The following ADAMTSL3 variants were observed in gnomAD, a reference collection of about 807,000 sequenced individuals.
ADAMTSL3 encodes the protein ADAMTS-like protein 3.
A neutral mutation model predicts 201.7 loss-of-function variants in ADAMTSL3; 128 were observed. The ratio of observed to expected loss-of-function variants is 0.63; its 90% confidence interval spans 0.55 to 0.73. ADAMTSL3 has a LOEUF of 0.73. Ranked by LOEUF, ADAMTSL3 falls within the 30% of genes least tolerant of loss-of-function variation. ADAMTSL3 has a pLI of 0.00. For synonymous variants in ADAMTSL3, 738 were observed against 748.4 expected, an observed-to-expected ratio of 0.99 and a Z score of 0.23; for missense variants, 1,990 against 2,119.6, an observed-to-expected ratio of 0.94 and a Z score of 1.20.
At chr15:83,934,396 A>G (rs2142014308) in intron 17 of ADAMTSL3, among the ~76,000 whole-genome samples, 1 of 152,340 alleles carries the variant, frequency 6.6e-6, no homozygotes, top group Non-Finnish European at 1.5e-5. Context: ...TATTTACACA[A>G]TGCCTGTACC....
At chr15:83,737,912 T>G (rs986887107) in intron 3 of ADAMTSL3, among the ~76,000 whole-genome samples, 1 of 152,224 alleles carries the variant, frequency 6.6e-6, no homozygotes, top group Non-Finnish European at 1.5e-5. Context: ...ATACTTTGTA[T>G]TAGAAGACAG....
At chr15:83,873,099 G>C (rs1188239922) in intron 9 of ADAMTSL3, among the ~76,000 whole-genome samples, 2 of 145,036 alleles carry the variant, frequency 1.4e-5, no homozygotes, top group Non-Finnish European at 3.0e-5. Context: ...GAGGTCAGGA[G>C]TTCTAGACCA....
At chr15:83,805,432 C>G (rs1015476211) in intron 5 of ADAMTSL3, among the ~76,000 whole-genome samples, 2 of 152,096 alleles carry the variant, frequency 1.3e-5, no homozygotes, top group Admixed American at 6.5e-5. Flanking sequence ...TGATGTGTGC[C>G]TGTAGTCCCA....
At chr15:83,960,711 A>G (rs2066951240) in intron 19 of ADAMTSL3, among the ~76,000 whole-genome samples, 1 of 152,190 alleles carries the variant, frequency 6.6e-6, no homozygotes, top group Non-Finnish European at 1.5e-5. Context: ...CTCATCAACT[A>G]TTCAAATTCG....
At chr15:83,935,803 A>G (rs1199367324) in intron 17 of ADAMTSL3, among the ~76,000 whole-genome samples, 3 of 152,140 alleles carry the variant, frequency 2.0e-5, no homozygotes, top group Non-Finnish European at 4.4e-5. Context: ...TTGTAATAGT[A>G]TCTCCTTATG....
intron 27 of ADAMTSL3, among the ~76,000 whole-genome samples, chr15:84,026,475 A>G (rs936844779): frequency 7.2e-5 from 11 of 152,222 alleles, no homozygotes; most frequent in African/African-American, 2.7e-4. Context: ...TGGATATAGA[A>G]GAGACACAGA....
intron 17 of ADAMTSL3, among the ~76,000 whole-genome samples, chr15:83,933,546 A>G (rs1462282713): frequency 6.6e-6 from 1 of 152,234 alleles, no homozygotes; most frequent in African/African-American, 2.4e-5. Context: ...TGCAATAGAA[A>G]AGAAAAACCC....
At chr15:83,902,373 C>T (rs1473660983) in intron 15 of ADAMTSL3, among the ~76,000 whole-genome samples, 1 of 152,136 alleles carries the variant, frequency 6.6e-6, no homozygotes, top group African/African-American at 2.4e-5. Context: ...CGGGTTCAAG[C>T]GATTCTCCTG....
intron 5 of ADAMTSL3, among the ~76,000 whole-genome samples, chr15:83,814,207 G>C (rs1365505182): frequency 2.0e-5 from 3 of 152,062 alleles, no homozygotes; most frequent in African/African-American, 7.2e-5. Flanking sequence ...TTCTCTTGAA[G>C]GTGTTCTTTT....
chr15:83,776,686 C>T (rs1567137525), intron 4 of ADAMTSL3, among the ~76,000 whole-genome samples: 1 of 151,952 alleles, frequency 6.6e-6, no homozygotes, highest in Non-Finnish European at 1.5e-5. Flanking sequence ...CATTGCACTC[C>T]AGCCTGGGCA....
At chr15:83,858,258 A>G (rs535177089) in intron 7 of ADAMTSL3, among the ~76,000 whole-genome samples, 1 of 152,340 alleles carries the variant, frequency 6.6e-6, no homozygotes, top group East Asian at 1.9e-4. Flanking sequence ...AGTAAAGGTA[A>G]TTGAGGTAGG....
intron 16 of ADAMTSL3, among the ~76,000 whole-genome samples, chr15:83,919,556 AATG>A (rs1456795333): frequency 2.0e-5 from 3 of 152,178 alleles, no homozygotes; most frequent in Non-Finnish European, 2.9e-5. Context: ...TTGAGGAAAG[AATG>A]ATAAGTGACA....
At chr15:83,770,621 T>C (rs1336784286) in intron 3 of ADAMTSL3, among the ~76,000 whole-genome samples, 1 of 152,240 alleles carries the variant, frequency 6.6e-6, no homozygotes, top group Non-Finnish European at 1.5e-5. Flanking sequence ...AAGATAGTCT[T>C]TCCTATACAA....
At chr15:83,996,139 A>G (rs1255648189) in intron 23 of ADAMTSL3, among the ~76,000 whole-genome samples, 5 of 152,242 alleles carry the variant, frequency 3.3e-5, no homozygotes, top group Non-Finnish European at 1.5e-5. Flanking sequence ...ATCATAAAAT[A>G]TAAGAGATGT....
chr15:83,731,060 C>T (rs931011207), intron 3 of ADAMTSL3, among the ~76,000 whole-genome samples: 1 of 151,964 alleles, frequency 6.6e-6, no homozygotes, highest in Non-Finnish European at 1.5e-5. Context: ...TTCTTGGCCC[C>T]TTGTTGAAAA....
intron 3 of ADAMTSL3, among the ~76,000 whole-genome samples, chr15:83,724,699 A>G (rs1339361826): frequency 6.6e-6 from 1 of 151,780 alleles, no homozygotes; most frequent in Non-Finnish European, 1.5e-5. Flanking sequence ...CCCCACCGCC[A>G]CTATCCTTCC....
intron 3 of ADAMTSL3, among the ~76,000 whole-genome samples, chr15:83,769,258 T>C (rs1030021851): frequency 6.6e-5 from 10 of 152,204 alleles, no homozygotes; most frequent in Non-Finnish European, 7.3e-5. Flanking sequence ...TTTTCAACTT[T>C]TCACATTCAA....
chr15:84,003,814 A>G (rs888556898), intron 23 of ADAMTSL3, among the ~76,000 whole-genome samples: 2 of 152,160 alleles, frequency 1.3e-5, no homozygotes, highest in Non-Finnish European at 2.9e-5. Context: ...CCATTATAAA[A>G]CACAGGGAAC....
intron 15 of ADAMTSL3, among the ~76,000 whole-genome samples, chr15:83,903,957 A>C (rs1224661127): frequency 1.5e-5 from 1 of 66,068 alleles, no homozygotes; most frequent in Non-Finnish European, 2.9e-5. Context: ...AAAAAGAAAG[A>C]AAGAAAGAAA....
Sources: allele counts gnomAD v4.1 joint callset (sites outside exome capture counted in the v4.1 genomes callset), GRCh38; gene constraint gnomAD v4.1.1; transcripts MANE v1.5; gene names NCBI Gene and HGNC (gene_info 2026-07-23, HGNC 2026-07-21).